Variants in SLC35F4 observed in about 807,000 individuals in gnomAD.
SLC35F4 encodes the protein chromosome 14 open reading frame 36.
Under a neutral mutation model 44.2 loss-of-function variants are expected in SLC35F4, and 24 were observed. That is an observed-to-expected ratio of 0.54 (90% confidence interval 0.39 to 0.76). The LOEUF is 0.76. Ranked by LOEUF, SLC35F4 falls within the 30% of genes least tolerant of loss-of-function variation. SLC35F4 has a pLI of 0.00. For synonymous variants in SLC35F4, 238 were observed against 223.6 expected (o/e 1.06, Z -0.57); for missense variants, 562 against 586.1 (o/e 0.96, Z 0.42).
rs72495990 is a variant in SLC35F4 at position 57,964,974 on chromosome 14, GAAA to G, written n.282+16936_282+16938del. On this transcript the variant is annotated intron_variant and non_coding_transcript_variant, in intron 1 of 1. Transcript: ENST00000556568. ...CATAATGATTAATGCTCCCATGGGG[GAAA>G]AAAAAAAAAAAAAAATATATATATA... Among the ~76,000 whole-genome samples the G allele has an allele frequency of 9.3e-3, 1,110 of 118,980 alleles. 6 individuals carry two copies. The highest frequency in any genetic ancestry group is 0.019 in the African/African-American group (554 of 29,920). The allele number at this position is 118,980 out of a possible 152,430, so 78.1% of individuals were successfully genotyped here.
At chr14:57,839,559 C>T (rs1479131354) in intron 1 of SLC35F4, among the ~76,000 whole-genome samples, 4 of 151,752 alleles carry the variant, frequency 2.6e-5, no homozygotes, top group South Asian at 4.2e-4. Flanking sequence ...TGAGGGGCAG[C>T]GGGGAGTGGG....
At chr14:57,927,605 C>T (rs1344379725) in intron 1 of SLC35F4, among the ~76,000 whole-genome samples, 9 of 151,860 alleles carry the variant, frequency 5.9e-5, no homozygotes, top group African/African-American at 9.7e-5. Flanking sequence ...ATTCTCCTGC[C>T]TCAGCCTCCC....
intron 1 of SLC35F4, among the ~76,000 whole-genome samples, chr14:57,601,156 TTATA>T (rs1171846940): frequency 1.3e-5 from 2 of 151,812 alleles, no homozygotes; most frequent in African/African-American, 4.8e-5. Flanking sequence ...TTTGTATGCC[TTATA>T]TATTTTATAT....
chr14:57,826,750 GA>G (rs1883811365), intron 1 of SLC35F4, among the ~76,000 whole-genome samples: 2 of 151,104 alleles, frequency 1.3e-5, no homozygotes, highest in Admixed American at 6.6e-5. Flanking sequence ...GCAAACATGT[GA>G]AAAAAAAGCT....
At chr14:57,587,870 C>CAAAAA (rs60521934) in intron 3 of SLC35F4, among the ~76,000 whole-genome samples, 39 of 124,998 alleles carry the variant, frequency 3.1e-4, no homozygotes, top group East Asian at 2.9e-3. Flanking sequence ...ATGCACCTTC[C>CAAAAA]AAAAAAAAAA....
intron 1 of SLC35F4, among the ~76,000 whole-genome samples, chr14:57,657,507 G>A (rs1417239384): frequency 6.6e-6 from 1 of 152,042 alleles, no homozygotes; most frequent in Non-Finnish European, 1.5e-5. Context: ...CACAGTAAAC[G>A]TTGCTAGAAA....
At chr14:57,960,858 G>A (rs912133285) in intron 1 of SLC35F4, among the ~76,000 whole-genome samples, 1 of 152,174 alleles carries the variant, frequency 6.6e-6, no homozygotes, top group African/African-American at 2.4e-5. Context: ...CTCCTGGTGT[G>A]TGCTGTTTCC....
At chr14:57,920,006 A>G (rs1192147410) in intron 1 of SLC35F4, among the ~76,000 whole-genome samples, 3 of 152,144 alleles carry the variant, frequency 2.0e-5, no homozygotes, top group Admixed American at 2.0e-4. Flanking sequence ...TTTGCTCATT[A>G]CCATGAGCAG....
intron 1 of SLC35F4, among the ~76,000 whole-genome samples, chr14:57,731,973 G>C (rs370972739): frequency 8.5e-5 from 13 of 152,160 alleles, no homozygotes; most frequent in East Asian, 5.8e-4. Flanking sequence ...TTAGAATAAA[G>C]CTTCAATTCC....
At chr14:57,588,644 C>T (rs1256823989) in intron 3 of SLC35F4, among the ~76,000 whole-genome samples, 1 of 152,128 alleles carries the variant, frequency 6.6e-6, no homozygotes, top group East Asian at 1.9e-4. Flanking sequence ...AGACAAAGCC[C>T]CCATGTGCAT....
chr14:57,972,610 T>C (rs1461275389), downstream of SLC35F4, among the ~76,000 whole-genome samples: 4 of 152,082 alleles, frequency 2.6e-5, no homozygotes, highest in East Asian at 7.7e-4. Flanking sequence ...GTTGGAGTTA[T>C]TGATTGGCTC....
chr14:57,811,544 T>C (rs906900297), intron 1 of SLC35F4, among the ~76,000 whole-genome samples: 134 of 152,330 alleles, frequency 8.8e-4, no homozygotes, highest in African/African-American at 3.0e-3. Context: ...AAAGTGCTTT[T>C]AGCTTTTAAA....
rs541671647 is a variant in SLC35F4, at chr14:57,865,879, G to T, written c.-54C>A. On this transcript the variant is annotated 5_prime_UTR_variant, in exon 1 of 8. Coordinates refer to ENST00000556826, the MANE Select transcript of SLC35F4 (RefSeq NM_001306087.2). ...CGGCGGGGCGGAGAGCGCAGCGCGG[G>T]GCCCGGGAGCTGGTGCAGGTGCCGG... 9.8e-3 allele frequency: 13,066 copies of T among 1,335,676 alleles called. 91 individuals carry two copies. Among genetic ancestry groups the T allele is most frequent in the Non-Finnish European group, 0.012 (11,695 of 999,052 alleles). The allele number at this position is 1,335,676 out of a possible 1,614,324, so 82.7% of individuals were successfully genotyped here.
Position 57,774,484 on chromosome 14 carries a change from C to A in SLC35F4, c.103+91239G>T, listed in dbSNP as rs530693171. Among the ~76,000 whole-genome samples the A allele has an allele frequency of 1.2e-4, 19 of 152,300 alleles. No homozygotes were observed. In the East Asian group the frequency reaches 3.7e-3, roughly 29 times the overall value. On this transcript the variant is annotated intron_variant, in intron 1 of 7. Transcript: ENST00000556826. Reference sequence around the variant, plus strand: ...CTGTAGTGCAGCACAACCAGGGATGCCCATCCCCCTAGGCTCGACTTGCTC... The same window carrying A: ...CTGTAGTGCAGCACAACCAGGGATGACCATCCCCCTAGGCTCGACTTGCTC...
At chr14:57,702,164 A>G (rs997805002) in intron 1 of SLC35F4, among the ~76,000 whole-genome samples, 9 of 152,092 alleles carry the variant, frequency 5.9e-5, no homozygotes, top group African/African-American at 2.2e-4. Context: ...CACCCTTGTT[A>G]CTCATCCTTG....
intron 1 of SLC35F4, among the ~76,000 whole-genome samples, chr14:57,664,263 C>T (rs559569017): frequency 6.6e-6 from 1 of 151,952 alleles, no homozygotes; most frequent in South Asian, 2.1e-4. Context: ...ATGACTGTGC[C>T]CAAACTATTA....
chr14:57,673,316 G>T (rs577175691), intron 1 of SLC35F4, among the ~76,000 whole-genome samples: 62 of 152,202 alleles, frequency 4.1e-4, no homozygotes, highest in Admixed American at 1.8e-3. Context: ...TAGCAGCATG[G>T]TTATCACCAC....
intron 1 of SLC35F4, among the ~76,000 whole-genome samples, chr14:57,668,902 T>A (rs571663424): frequency 6.6e-6 from 1 of 152,196 alleles, no homozygotes; most frequent in South Asian, 2.1e-4. Flanking sequence ...TGGCATTGAA[T>A]CTATAAATTA....
intron 1 of SLC35F4, among the ~76,000 whole-genome samples, chr14:57,744,383 G>C (rs1391997450): frequency 6.6e-6 from 1 of 152,126 alleles, no homozygotes; most frequent in Non-Finnish European, 1.5e-5. Flanking sequence ...CAAAGTCTCA[G>C]GATACAAAAT....
Sources: allele counts gnomAD v4.1 joint callset (sites outside exome capture counted in the v4.1 genomes callset), GRCh38; gene constraint gnomAD v4.1.1; transcripts MANE v1.5; gene names NCBI Gene and HGNC (gene_info 2026-07-23, HGNC 2026-07-21).